Variants in TASP1 observed in about 807,000 individuals in gnomAD.
The protein encoded by TASP1 is threonine aspartase 1.
A neutral mutation model predicts 56.6 loss-of-function variants in TASP1; 16 were observed. That is an observed-to-expected ratio of 0.28 (90% CI 0.19 to 0.43). TASP1 has a LOEUF of 0.43. TASP1 is among the 20% of genes least tolerant of loss of function. TASP1 has a pLI of 1.00. For missense variants in TASP1, 393 were observed against 511.6 expected (o/e 0.77, Z 2.24); for synonymous variants, 179 against 184.2 (o/e 0.97, Z 0.23).
At chr20:13,434,023 A>G (rs948725048) in intron 12 of TASP1, among the ~76,000 whole-genome samples, 3 of 152,152 alleles carry the variant, frequency 2.0e-5, no homozygotes, top group Admixed American at 1.3e-4. Context: ...TTCTATTTAT[A>G]TAATAAATAA....
intron 13 of TASP1, among the ~76,000 whole-genome samples, chr20:13,398,109 A>G (rs1164631249): frequency 6.6e-6 from 1 of 152,178 alleles, no homozygotes; most frequent in Non-Finnish European, 1.5e-5. Context: ...TAACACTTAA[A>G]CTATCATTAA....
chr20:13,331,246 T>C, the TASP1 span, among the ~76,000 whole-genome samples: 2 of 152,190 alleles, frequency 1.3e-5, no homozygotes, highest in African/African-American at 4.8e-5. Flanking sequence ...GATTCCACTT[T>C]CCTGCCTTTT....
the TASP1 span, among the ~76,000 whole-genome samples, chr20:13,286,084 C>A: frequency 6.6e-6 from 1 of 152,136 alleles, no homozygotes; most frequent in Non-Finnish European, 1.5e-5. Context: ...CTCATTCCCC[C>A]TTTTTATGAG....
chr20:13,118,469 A>C, the TASP1 span, among the ~76,000 whole-genome samples: 2 of 151,580 alleles, frequency 1.3e-5, no homozygotes, highest in African/African-American at 4.8e-5. Flanking sequence ...ACAAAAAAAA[A>C]CAATAAATAT....
chr20:13,637,621 C>T (rs2049356680), intron 1 of TASP1, among the ~76,000 whole-genome samples: 1 of 152,136 alleles, frequency 6.6e-6, no homozygotes. Flanking sequence ...AACTGAAAGA[C>T]ACCAGACAAG....
the TASP1 span, among the ~76,000 whole-genome samples, chr20:13,217,059 A>G: frequency 6.6e-6 from 1 of 152,214 alleles, no homozygotes; most frequent in Non-Finnish European, 1.5e-5. Flanking sequence ...TCACACCCAG[A>G]AAACGTCTCT....
intron 4 of TASP1, among the ~76,000 whole-genome samples, chr20:13,617,895 A>C (rs906885662): frequency 6.6e-6 from 1 of 152,046 alleles, no homozygotes. Context: ...AAGCCACACC[A>C]TCTCCATGAC....
the TASP1 span, chr20:13,168,291 C>A: frequency 2.6e-5 from 4 of 151,698 alleles, no homozygotes; most frequent in African/African-American, 7.3e-5. Context: ...TCAAGCGATT[C>A]TCCTGCCTCA....
the TASP1 span, among the ~76,000 whole-genome samples, chr20:13,238,348 A>G: frequency 2.0e-5 from 3 of 152,166 alleles, no homozygotes; most frequent in African/African-American, 7.2e-5. Flanking sequence ...AATCTACTTC[A>G]AACCAGAGGG....
chr20:13,507,352 C>T (rs184494489), intron 10 of TASP1, among the ~76,000 whole-genome samples: 8 of 152,000 alleles, frequency 5.3e-5, no homozygotes, highest in Admixed American at 2.6e-4. Flanking sequence ...GGCAACATAG[C>T]CAAGACCTCA....
intron 4 of TASP1, among the ~76,000 whole-genome samples, chr20:13,611,921 C>T (rs993821912): frequency 1.3e-5 from 2 of 152,164 alleles, no homozygotes; most frequent in Non-Finnish European, 2.9e-5. Context: ...CCAATCAACA[C>T]GCATCTGTGA....
At chr20:13,106,467 G>T in the TASP1 span, among the ~76,000 whole-genome samples, 1 of 152,254 alleles carries the variant, frequency 6.6e-6, no homozygotes, top group East Asian at 1.9e-4. Flanking sequence ...AGAAGAGTTT[G>T]GGTTAAGACT....
At chr20:13,544,801 C>T (rs1244154870) in intron 8 of TASP1, among the ~76,000 whole-genome samples, 1 of 152,140 alleles carries the variant, frequency 6.6e-6, no homozygotes, top group Non-Finnish European at 1.5e-5. Flanking sequence ...TACACTTTCT[C>T]TTTTAAATAC....
At chr20:13,424,745 T>C (rs2042562172) in intron 12 of TASP1, among the ~76,000 whole-genome samples, 1 of 152,032 alleles carries the variant, frequency 6.6e-6, no homozygotes, top group Non-Finnish European at 1.5e-5. Context: ...CTTATGTTCT[T>C]TAGAAGGCCA....
At chr20:13,314,524 T>C in the TASP1 span, among the ~76,000 whole-genome samples, 2 of 151,888 alleles carry the variant, frequency 1.3e-5, no homozygotes, top group Non-Finnish European at 2.9e-5. Flanking sequence ...CTGTGCCCTG[T>C]GAAATTAGAC....
At chr20:13,197,045 T>C in the TASP1 span, among the ~76,000 whole-genome samples, 1 of 152,210 alleles carries the variant, frequency 6.6e-6, no homozygotes, top group South Asian at 2.1e-4. Context: ...AAGGTCTGTT[T>C]TCCTGAGAGC....
intron 13 of TASP1, 82 bp downstream of exon 13, chr20:13,417,366 T>A: frequency 6.8e-7 from 1 of 1,477,794 alleles, no homozygotes; most frequent in Non-Finnish European, 9.3e-7. Context: ...GCTGAAAAAA[T>A]TCATCCACAT....
At chr20:13,151,663 C>T in the TASP1 span, among the ~76,000 whole-genome samples, 1 of 152,186 alleles carries the variant, frequency 6.6e-6, no homozygotes, top group African/African-American at 2.4e-5. Context: ...ATTGTTAACA[C>T]AATTAAGGTG....
the TASP1 span, among the ~76,000 whole-genome samples, chr20:13,297,852 G>A: frequency 6.6e-6 from 1 of 152,122 alleles, no homozygotes. Flanking sequence ...TTTGACCCAG[G>A]CCTACAGGTC....
Sources: allele counts gnomAD v4.1 joint callset (sites outside exome capture counted in the v4.1 genomes callset), GRCh38; gene constraint gnomAD v4.1.1; transcripts MANE v1.5; gene names NCBI Gene and HGNC (gene_info 2026-07-23, HGNC 2026-07-21).